Variants in PCDH15 observed in about 807,000 individuals in gnomAD.
The protein encoded by PCDH15 is protocadherin related 15.
In PCDH15, 129 loss-of-function variants were observed where a neutral mutation model predicts 178.5. The observed-to-expected ratio is 0.72, with a 90% CI of 0.63 to 0.84. The LOEUF (loss-of-function observed/expected upper bound fraction) is 0.84. Among genes scored for constraint, PCDH15 ranks in the 40% least tolerant of loss-of-function variants. The pLI, the probability that PCDH15 is intolerant of heterozygous loss-of-function variation, is 0.00. For synonymous variants in PCDH15, 800 were observed against 732.0 expected, an observed-to-expected ratio of 1.09 and a Z score of -1.50; for missense variants, 2,230 against 2,099.9, an observed-to-expected ratio of 1.06 and a Z score of -1.21.
intron 3 of PCDH15, among the ~76,000 whole-genome samples, chr10:54,462,468 C>T (rs2077225576): frequency 7.5e-6 from 1 of 133,618 alleles, no homozygotes; most frequent in African/African-American, 3.0e-5. Flanking sequence ...TTTGTTAATC[C>T]TTTCTTTCTT....
intron 2 of PCDH15, among the ~76,000 whole-genome samples, chr10:55,065,854 G>A (rs1363076409): frequency 6.6e-6 from 1 of 151,794 alleles, no homozygotes; most frequent in African/African-American, 2.4e-5. Flanking sequence ...GCTCAGATAC[G>A]TGCTATTTCA....
chr10:54,458,474 C>T (rs2076966556), intron 3 of PCDH15, among the ~76,000 whole-genome samples: 1 of 152,090 alleles, frequency 6.6e-6, no homozygotes. Flanking sequence ...AACTACATAA[C>T]CATTCGTGGT....
chr10:55,406,892 G>A (rs528459600), intron 2 of PCDH15, among the ~76,000 whole-genome samples: 1 of 152,268 alleles, frequency 6.6e-6, no homozygotes, highest in South Asian at 2.1e-4. Flanking sequence ...CAGACAGAGT[G>A]ACAAGTTAAT....
intron 2 of PCDH15, among the ~76,000 whole-genome samples, chr10:55,060,982 G>C (rs1467501677): frequency 6.6e-6 from 1 of 151,666 alleles, no homozygotes; most frequent in African/African-American, 2.4e-5. Context: ...CTTCCTAGAA[G>C]AAAAAAAGGA....
chr10:54,307,490 T>G (rs2133413519), intron 8 of PCDH15, among the ~76,000 whole-genome samples: 1 of 151,696 alleles, frequency 6.6e-6, no homozygotes, highest in South Asian at 2.1e-4. Flanking sequence ...ATCTATTGTT[T>G]TTATATTTAT....
At chr10:54,245,077 C>T (rs1418838719) in intron 8 of PCDH15, among the ~76,000 whole-genome samples, 3 of 152,086 alleles carry the variant, frequency 2.0e-5, no homozygotes, top group African/African-American at 7.2e-5. Context: ...TGTGTGAGCA[C>T]TCCCTAGGTT....
At chr10:54,946,400 T>C (rs560824966) in intron 2 of PCDH15, among the ~76,000 whole-genome samples, 1 of 151,910 alleles carries the variant, frequency 6.6e-6, no homozygotes, top group Non-Finnish European at 1.5e-5. Flanking sequence ...ACACTGTCTC[T>C]TGGGTTAACA....
chr10:54,880,712 A>G (rs183329011), intron 3 of PCDH15, among the ~76,000 whole-genome samples: 227 of 150,972 alleles, frequency 1.5e-3, no homozygotes, highest in African/African-American at 5.4e-3. Flanking sequence ...GTAATGATGG[A>G]CCTAAATCAA....
At chr10:54,919,276 T>C (rs1320577007) in intron 2 of PCDH15, among the ~76,000 whole-genome samples, 2 of 152,294 alleles carry the variant, frequency 1.3e-5, no homozygotes, top group Admixed American at 6.5e-5. Flanking sequence ...TTCCCTACAA[T>C]ATATGATTTC....
chr10:55,339,335 G>A (rs1418648032), intron 2 of PCDH15, among the ~76,000 whole-genome samples: 1 of 151,654 alleles, frequency 6.6e-6, no homozygotes, highest in Non-Finnish European at 1.5e-5. Flanking sequence ...CTACAATGAG[G>A]ACATTTGGAG....
chr10:54,085,850 TAAAGG>T (rs1023312421), intron 16 of PCDH15, among the ~76,000 whole-genome samples: 56 of 152,292 alleles, frequency 3.7e-4, no homozygotes, highest in African/African-American at 1.3e-3. Context: ...TTTATTTCAT[TAAAGG>T]AAAGTAATGG....
At chr10:54,846,882 G>A (rs954961538) in intron 3 of PCDH15, among the ~76,000 whole-genome samples, 10 of 152,040 alleles carry the variant, frequency 6.6e-5, no homozygotes, top group African/African-American at 2.2e-4. Context: ...GAATAGATGC[G>A]GATGTTACAC....
At chr10:55,273,928 CCA>C (rs58867094) in intron 1 of PCDH15, among the ~76,000 whole-genome samples, 108,933 of 151,648 alleles carry the variant, frequency 0.72, 39,397 homozygotes, top group East Asian at 0.79. Context: ...TTAACACCTC[CCA>C]CACACACACA....
chr10:54,591,273 A>G (rs946830388), intron 2 of PCDH15, among the ~76,000 whole-genome samples: 1 of 152,200 alleles, frequency 6.6e-6, no homozygotes. Context: ...GTCCCAAATT[A>G]TCTGGATAGA....
At chr10:55,392,972 A>G (rs1837832973) in intron 2 of PCDH15, among the ~76,000 whole-genome samples, 1 of 141,406 alleles carries the variant, frequency 7.1e-6, no homozygotes. Context: ...TCTAAGAACT[A>G]AAGTGTATGT....
intron 2 of PCDH15, among the ~76,000 whole-genome samples, chr10:55,341,782 TATATATATATATATATATATA>T (rs1844572861): frequency 2.7e-4 from 3 of 11,162 alleles, no homozygotes; most frequent in African/African-American, 4.2e-4. Flanking sequence ...TATATATATA[TATATATATATATATATATATA>T]TATTTTTTTT....
intron 3 of PCDH15, among the ~76,000 whole-genome samples, chr10:54,436,749 C>A (rs1565273289): frequency 1.3e-5 from 2 of 152,094 alleles, no homozygotes; most frequent in South Asian, 2.1e-4. Context: ...TATTAAGTAC[C>A]TACTAAAGTC....
intron 10 of PCDH15, among the ~76,000 whole-genome samples, chr10:54,202,128 T>C (rs2050297329): frequency 6.6e-6 from 1 of 152,228 alleles, no homozygotes; most frequent in Non-Finnish European, 1.5e-5. Context: ...ATGGCTTAGA[T>C]ACATTTTATT....
In PCDH15 at chr10:55,255,303, T is replaced by G. The variant is rs182402010; in HGVS notation, c.-156+64296A>C. Among the ~76,000 whole-genome samples, 1,001 of 152,370 alleles carry G rather than the reference T, an allele frequency of 6.6e-3. 11 individuals are homozygous for G. The highest frequency in any genetic ancestry group is 0.022 in the African/African-American group (930 of 41,590). ...GAACTCATCATTTTTTATGACTGCATAGTATTCCATGGTGTGTATGTGCCA... is the reference window on the plus strand; with the variant it reads ...GAACTCATCATTTTTTATGACTGCAGAGTATTCCATGGTGTGTATGTGCCA... On this transcript the variant is annotated intron_variant, in intron 1 of 5. Coordinates refer to the PCDH15 transcript ENST00000458638.
Sources: gnomAD v4.1 joint callset for allele counts (sites outside exome capture counted in the v4.1 genomes callset) on GRCh38, gnomAD v4.1.1 for gene constraint, MANE v1.5 for transcripts, NCBI Gene and HGNC (gene_info 2026-07-23, HGNC 2026-07-21) for gene names.